XKR3: variants seen among roughly 807,000 people sequenced by gnomAD.
XKR3 encodes XK-related protein 3.
A neutral mutation model predicts 40.3 loss-of-function variants in XKR3; 27 were observed. That is an observed-to-expected ratio of 0.67 (90% CI 0.49 to 0.92). The LOEUF is 0.92. Ranked by LOEUF, XKR3 falls within the 40% of genes least tolerant of loss-of-function variation. The probability of loss-of-function intolerance (pLI) is 0.00; values close to 1 mark genes in which losing one functional copy is unlikely to be tolerated. For synonymous variants in XKR3, 193 were observed against 195.4 expected, an observed-to-expected ratio of 0.99 and a Z score of 0.10; for missense variants, 472 against 537.6, an observed-to-expected ratio of 0.88 and a Z score of 1.21.
At chr22:16,789,999 T>C (rs1281735782) in intron 3 of XKR3, among the ~76,000 whole-genome samples, 4 of 152,096 alleles carry the variant, frequency 2.6e-5, no homozygotes, top group Non-Finnish European at 4.4e-5. Flanking sequence ...AAGCCTATAG[T>C]GCAGTGGCGT....
At chr22:16,800,106 A>G in intron 2 of XKR3, 82 bp from the exon 3 acceptor site, 1 of 1,488,848 alleles carries the variant, frequency 6.7e-7, no homozygotes, top group Non-Finnish European at 9.0e-7. Context: ...TCAGGAGAGG[A>G]ACTCTTAATT....
rs1172321444 is a variant in XKR3 at position 16,807,964 on chromosome 22, A to T, written c.110T>A (p.Ile37Asn). 2 of 1,614,028 alleles carry T rather than the reference A, an allele frequency of 1.2e-6. No homozygotes were observed. Among genetic ancestry groups the T allele is most frequent in the Admixed American group, 3.3e-5 (2 of 60,030 alleles). Residue 37 changes from isoleucine (I) to asparagine (N), a missense_variant, in exon 2 of 4, where the codon ATT becomes AAT. Transcript: ENST00000684488. The stretch of plus-strand genomic sequence containing the variant: ...ACAGTAGAGAACAGTTGAGAAGATA[A>T]TGCTAAAAGGAAAGCTTAGATGGAG... ...QRLHLSFPFS[I>N]IFSTVLYCGE... is the part of the protein sequence containing the mutation.
intron 1 of XKR3, among the ~76,000 whole-genome samples, chr22:16,816,747 T>C (rs1345443942): frequency 6.6e-6 from 1 of 152,036 alleles, no homozygotes; most frequent in East Asian, 1.9e-4. Context: ...GGCCCTTCTA[T>C]ACATGTTTTC....
chr22:16,798,651 T>C (rs2060153103), intron 3 of XKR3, among the ~76,000 whole-genome samples: 1 of 152,212 alleles, frequency 6.6e-6, no homozygotes, highest in African/African-American at 2.4e-5. Flanking sequence ...ATTCCATGTA[T>C]GTGTATGTGG....
intron 1 of XKR3, among the ~76,000 whole-genome samples, chr22:16,823,292 T>G (rs2060263689): frequency 6.6e-6 from 1 of 152,176 alleles, no homozygotes; most frequent in South Asian, 2.1e-4. Context: ...GAGAAAATAA[T>G]ACATCGGCAG....
At chr22:16,808,851 C>T (rs2060201479) in intron 1 of XKR3, among the ~76,000 whole-genome samples, 1 of 151,960 alleles carries the variant, frequency 6.6e-6, no homozygotes, top group Admixed American at 6.6e-5. Context: ...TAAAAGGCAA[C>T]AGTACTTTTA....
At chr22:16,795,570 G>A (rs1488740779) in intron 3 of XKR3, among the ~76,000 whole-genome samples, 1 of 151,982 alleles carries the variant, frequency 6.6e-6, no homozygotes, top group Non-Finnish European at 1.5e-5. Flanking sequence ...ATGAAACTGA[G>A]ATGCAAAATA....
At chr22:16,806,043 G>C (rs2060187908) in intron 2 of XKR3, among the ~76,000 whole-genome samples, 1 of 152,140 alleles carries the variant, frequency 6.6e-6, no homozygotes, top group Non-Finnish European at 1.5e-5. Flanking sequence ...TTCCTCACTA[G>C]AGGTCAGGAG....
At chr22:16,820,871 T>C (rs761952579) in intron 1 of XKR3, among the ~76,000 whole-genome samples, 1 of 152,148 alleles carries the variant, frequency 6.6e-6, no homozygotes, top group Non-Finnish European at 1.5e-5. Flanking sequence ...ATGCTAGAAA[T>C]AGGATGACTG....
At chr22:16,823,267 G>A (rs2060263586) in intron 1 of XKR3, among the ~76,000 whole-genome samples, 1 of 152,124 alleles carries the variant, frequency 6.6e-6, no homozygotes, top group Admixed American at 6.6e-5. Flanking sequence ...ATCTTCCTGG[G>A]GAGATAGCAG....
chr22:16,785,701 G>GA (rs1428010047), intron 3 of XKR3, among the ~76,000 whole-genome samples: 2 of 151,670 alleles, frequency 1.3e-5, no homozygotes, highest in Non-Finnish European at 2.9e-5. Flanking sequence ...CATCTCTACT[G>GA]AAAATACAAA....
Position 16,822,392 on chromosome 22 carries a change from AT to A in XKR3, c.-11+2898del, listed in dbSNP as rs1230571850. Among the ~76,000 whole-genome samples, 17 of 24,878 alleles carry A rather than the reference AT, an allele frequency of 6.8e-4. 1 individual carries two copies. Among genetic ancestry groups the A allele is most frequent in the East Asian group, 2.3e-3 (2 of 870 alleles). The allele number at this position is 24,878 out of a possible 152,430, so 16.3% of individuals were successfully genotyped here. The stretch of plus-strand genomic sequence containing the variant: ...AAGGCCATAATAGGAAATTAAAAAA[AT>A]AAATAAATAATAGAAAAGAAGACAG... On this transcript the variant is annotated intron_variant, in intron 1 of 3. Transcript: ENST00000684488.
intron 1 of XKR3, among the ~76,000 whole-genome samples, chr22:16,808,755 GC>G (rs2060200915): frequency 6.6e-6 from 1 of 152,032 alleles, no homozygotes; most frequent in South Asian, 2.1e-4. Context: ...TAGACAAACC[GC>G]CAGAAAAATT....
intron 1 of XKR3, among the ~76,000 whole-genome samples, chr22:16,821,385 C>T (rs2060255039): frequency 1.3e-5 from 2 of 151,994 alleles, no homozygotes; most frequent in South Asian, 4.1e-4. Flanking sequence ...AACAAAGCAT[C>T]TCAAAAATCA....
At chr22:16,821,740 CTG>C (rs1057104326) in intron 1 of XKR3, 4 of 152,052 alleles carry the variant, frequency 2.6e-5, no homozygotes, top group African/African-American at 9.7e-5. Context: ...GATTCTAACT[CTG>C]TAGGCAGCAG....
intron 1 of XKR3, among the ~76,000 whole-genome samples, chr22:16,813,978 A>G (rs764551053): frequency 3.3e-5 from 5 of 152,128 alleles, no homozygotes; most frequent in Non-Finnish European, 5.9e-5. Context: ...TGATGTGACA[A>G]TATTTTTCTC....
At chr22:16,803,253 A>G (rs947011216) in intron 2 of XKR3, among the ~76,000 whole-genome samples, 1 of 152,210 alleles carries the variant, frequency 6.6e-6, no homozygotes, top group Non-Finnish European at 1.5e-5. Context: ...TGAGAAAAAA[A>G]CTAGAAGAAA....
chr22:16,806,169 G>A (rs79592372), intron 2 of XKR3, among the ~76,000 whole-genome samples: 2,018 of 150,742 alleles, frequency 0.013, 20 homozygotes, highest in South Asian at 0.038. Context: ...TGAGACAGGA[G>A]AATCTCTTGA....
intron 2 of XKR3, among the ~76,000 whole-genome samples, chr22:16,803,905 C>T (rs1440583897): frequency 6.6e-6 from 1 of 152,198 alleles, no homozygotes; most frequent in African/African-American, 2.4e-5. Context: ...TCTTAATAAA[C>T]TTGCTTTCAC....
Sources: allele counts gnomAD v4.1 joint callset (sites outside exome capture counted in the v4.1 genomes callset), GRCh38; gene constraint gnomAD v4.1.1; transcripts MANE v1.5; gene names NCBI Gene and HGNC (gene_info 2026-07-23, HGNC 2026-07-21).